The following DNM1 variants were observed in gnomAD, a reference collection of about 807,000 sequenced individuals.
DNM1 encodes dynamin 1.
Under a neutral mutation model 104.6 loss-of-function variants are expected in DNM1, and 29 were observed. The ratio of observed to expected loss-of-function variants is 0.28; its 90% CI spans 0.21 to 0.38. DNM1 has a LOEUF of 0.38. DNM1 is among the 10% of genes least tolerant of loss of function. The pLI, the probability that DNM1 is intolerant of heterozygous loss-of-function variation, is 1.00. For synonymous variants in DNM1, 445 were observed against 475.8 expected (o/e 0.94, Z 0.84); for missense variants, 640 against 1,189.4 (o/e 0.54, Z 6.79).
intron 10 of DNM1, 34 bp from the exon 11 acceptor site, chr9:128,233,987 G>A: frequency 6.5e-7 from 1 of 1,546,992 alleles, no homozygotes; most frequent in South Asian, 1.2e-5. Flanking sequence ...TGCCCTCTGT[G>A]TACGTGGCTT....
Position 128,224,314 on chromosome 9 carries a change from C to G in DNM1, c.1260C>G (p.Ile420Met). ...TTGTGAAAAAGCAGGTGAAGAAGAT[C>G]CGAGAACCGTGTCTCAAGTGTGTGG... The part of the protein sequence containing the change: ...ETIVKKQVKK[I>M]REPCLKCVDM... Residue 420 changes from isoleucine to methionine, a missense_variant, in exon 10 of 22, where the codon ATC becomes ATG. Around this residue, in one of 7 missense-constraint regions of DNM1, gnomAD observed 92 missense variants for 124.4 expected, o/e 0.74. Coordinates refer to ENST00000372923, the MANE Select transcript of DNM1 (RefSeq NM_004408.4). The surrounding 1 kb of genome is among the most constrained non-coding windows in gnomAD (Gnocchi z 4.3). 1 of 1,614,098 alleles carries G rather than the reference C, an allele frequency of 6.2e-7. No homozygotes were observed.
intron 1 of DNM1, among the ~76,000 whole-genome samples, chr9:128,209,149 G>A (rs3003572): frequency 0.93 from 140,891 of 152,198 alleles, 65,712 homozygotes; most frequent in East Asian, 0.99. Context: ...CAGCTGCCAC[G>A]TGCTAAGCAC....
chr9:128,239,713 C>T lies in DNM1; in HGVS notation c.1494-15C>T, dbSNP rs375232749. On this transcript the variant is annotated splice_polypyrimidine_tract_variant and intron_variant, in intron 12 of 21. Coordinates refer to ENST00000372923, the MANE Select transcript of DNM1 (RefSeq NM_004408.4). ...TCTTGAGAAGTTCTGAGACTCCTCCCCTCCCTCCCATTAGTGCTCAGCAGA... is the reference window on the plus strand; with the variant it reads ...TCTTGAGAAGTTCTGAGACTCCTCCTCTCCCTCCCATTAGTGCTCAGCAGA... The T allele has an allele frequency of 8.1e-6, 13 of 1,611,264 alleles. No individual in the cohort carries two copies. Among genetic ancestry groups the T allele is most frequent in the African/African-American group, 4.0e-5 (3 of 74,850 alleles).
chr9:128,254,739 C>T lies in DNM1; in HGVS notation c.*25C>T, dbSNP rs752733079. 7 of 1,591,680 alleles carry T rather than the reference C, an allele frequency of 4.4e-6. No homozygotes were observed. In the African/African-American group the frequency reaches 8.0e-5, roughly 18 times the overall value. ...AACAGATCCCTCCTCTTCTCGGAGA[C>T]CTCCCTTTCCAAGCCTGCCTGGACG... On this transcript the variant is annotated 3_prime_UTR_variant, in exon 22 of 22. Coordinates refer to ENST00000372923, the MANE Select transcript of DNM1 (RefSeq NM_004408.4). The surrounding 1 kb of genome is among the most constrained non-coding windows in gnomAD (Gnocchi z 6.1).
intron 11 of DNM1, 132 bp downstream of exon 11, chr9:128,234,239 TG>T: frequency 2.8e-6 from 2 of 710,714 alleles, no homozygotes; most frequent in South Asian, 3.8e-5. Flanking sequence ...TGTCTCATAC[TG>T]ACTCTCTGCT....
rs61020870 is a variant in DNM1, at chr9:128,220,742, C to CGCGCGCGTGTGT, written c.849+402_849+403insCGCGCGTGTGTG. On this transcript the variant is annotated intron_variant, in intron 6 of 21. Transcript: ENST00000372923. The surrounding 1 kb of genome is among the most constrained non-coding windows in gnomAD (Gnocchi z 5.2). ...CAGAACTGAAGTGCGCGCGCGCGCG[C>CGCGCGCGTGTGT]GTGTGTGTGTGTGTGTGTGTGTGTG... Among the ~76,000 whole-genome samples, 208 of 136,340 alleles carry CGCGCGCGTGTGT rather than the reference C, an allele frequency of 1.5e-3. 1 individual carries two copies. Among genetic ancestry groups the CGCGCGCGTGTGT allele is most frequent in the South Asian group, 5.9e-3 (21 of 3,542 alleles). The allele number at this position is 136,340 out of a possible 152,430, so 89.4% of individuals were successfully genotyped here.
intron 11 of DNM1, among the ~76,000 whole-genome samples, chr9:128,237,654 T>G (rs1355705887): frequency 6.6e-6 from 1 of 152,226 alleles, no homozygotes; most frequent in Middle Eastern, 3.2e-3. Flanking sequence ...GCCACTGGCT[T>G]GCTCCCAATT....
Position 128,253,959 on chromosome 9 carries a change from A to AC in DNM1, c.2535-689dup. ...CAGCTGAGCTCCGCCCAGTGAGCCC[A>AC]CCCCCCATTCTCCTGCCACTGACTC... On this transcript the variant is annotated intron_variant, in intron 21 of 21. Coordinates refer to ENST00000372923, the MANE Select transcript of DNM1 (RefSeq NM_004408.4). The surrounding 1 kb of genome is among the most constrained non-coding windows in gnomAD (Gnocchi z 5.9). The AC allele has an allele frequency of 3.2e-6, 4 of 1,232,164 alleles. No individual in the cohort carries two copies. The highest frequency in any genetic ancestry group is 4.0e-6 in the Non-Finnish European group (4 of 988,564). 76.3% of individuals were successfully genotyped at this position (1,232,164 alleles called of 1,614,324 possible).
At chr9:128,251,593 T>TG (rs1394169292) in intron 21 of DNM1, 1 of 155,724 alleles carries the variant, frequency 6.4e-6, no homozygotes, top group Admixed American at 6.6e-5. Flanking sequence ...GGAAGCAGCC[T>TG]GGGCCGTGGG....
chr9:128,243,226 A>G lies in DNM1; in HGVS notation c.1671+881A>G, dbSNP rs541812926. Among the ~76,000 whole-genome samples the G allele has an allele frequency of 6.6e-6, 1 of 152,300 alleles. No individual in the cohort carries two copies. Among genetic ancestry groups the G allele is most frequent in the Admixed American group, 6.5e-5 (1 of 15,306 alleles). On this transcript the variant is annotated intron_variant, in intron 15 of 21. Transcript: ENST00000372923. This position sits in a 1 kb window ranked among gnomAD's most constrained non-coding sequence, Gnocchi z 4.0. ...CCTTCCCCTGTTGCTGGTCTCCTTT[A>G]AGAATGAGTCTATTTGGCTTTCACA...
intron 11 of DNM1, among the ~76,000 whole-genome samples, chr9:128,235,630 A>G (rs962662318): frequency 6.6e-6 from 1 of 152,164 alleles, no homozygotes; most frequent in Non-Finnish European, 1.5e-5. Flanking sequence ...AGATGAGTGT[A>G]CAAATCCCTA....
Position 128,254,557 on chromosome 9 carries a change from CGGCGCGGCCGG to C in DNM1, c.2535-96_2535-86del. Reference sequence around the variant, plus strand: ...CTCCCCGGCCCTCCCACCACTGCTGCGGCGCGGCCGGCCCCGGCCGTGTGCTGCGCTTGCCT... The same window carrying C: ...CTCCCCGGCCCTCCCACCACTGCTGCCCCCGGCCGTGTGCTGCGCTTGCCT... On this transcript the variant is annotated intron_variant, in intron 21 of 21. Coordinates refer to ENST00000372923, the MANE Select transcript of DNM1 (RefSeq NM_004408.4). This position sits in a 1 kb window ranked among gnomAD's most constrained non-coding sequence, Gnocchi z 6.1. The C allele has an allele frequency of 6.3e-7, 1 of 1,578,862 alleles. No homozygotes were observed. The highest frequency in any genetic ancestry group is 1.8e-5 in the Admixed American group (1 of 57,086).
intron 4 of DNM1, 21 bp downstream of exon 4, chr9:128,219,273 C>T (rs1234483163): frequency 1.9e-6 from 3 of 1,606,296 alleles, no homozygotes; most frequent in Non-Finnish European, 1.7e-6. Context: ...ACCCGGTGGC[C>T]AATGCACAAA....
Position 128,220,155 on chromosome 9 carries a change from T to G in DNM1, c.689-26T>G, listed in dbSNP as rs1441291668. On this transcript the variant is annotated intron_variant, in intron 5 of 21. Coordinates refer to ENST00000372923, the MANE Select transcript of DNM1 (RefSeq NM_004408.4). The surrounding 1 kb of genome is among the most constrained non-coding windows in gnomAD (Gnocchi z 5.2). Reference sequence around the variant, plus strand: ...CCCTTCCCCTCCTCTTGAGGCTGGTTGCCCTGACCTTGATACTGTTCACAG... The same window carrying G: ...CCCTTCCCCTCCTCTTGAGGCTGGTGGCCCTGACCTTGATACTGTTCACAG... The G allele has an allele frequency of 6.2e-7, 1 of 1,613,592 alleles. No individual in the cohort carries two copies. The highest frequency in any genetic ancestry group is 1.7e-5 in the Admixed American group (1 of 60,006).
At chr9:128,205,064 G>A (rs45596435) in intron 1 of DNM1, among the ~76,000 whole-genome samples, 5,081 of 152,216 alleles carry the variant, frequency 0.033, 291 homozygotes, top group African/African-American at 0.12. Flanking sequence ...GGGGGCGGCC[G>A]TGCCCATCTG....
In DNM1 at chr9:128,254,374, T is replaced by G. The variant is rs1378221554; in HGVS notation, c.2535-280T>G. 7.1e-7 allele frequency: 1 copy of G among 1,409,478 alleles called. No homozygotes were observed. The highest frequency in any genetic ancestry group is 1.5e-5 in the African/African-American group (1 of 68,410). The allele number at this position is 1,409,478 out of a possible 1,614,324, so 87.3% of individuals were successfully genotyped here. A position where few individuals can be genotyped will look rare whatever the true frequency, so the allele number is the denominator to read the frequency against. On this transcript the variant is annotated intron_variant, in intron 21 of 21. Transcript: ENST00000372923. This position sits in a 1 kb window ranked among gnomAD's most constrained non-coding sequence, Gnocchi z 6.1. ...CAGCCTGAATTGCGGGTGCCCTGCC[T>G]GGGTGCCGTGTGAGAGGCCAGCGTG...
At chr9:128,242,134 G>C (rs763490718) in intron 14 of DNM1, 98 bp from the exon 15 acceptor site, 11 of 727,440 alleles carry the variant, frequency 1.5e-5, no homozygotes, top group Non-Finnish European at 2.7e-5. Flanking sequence ...AGAGAGCTGG[G>C]AGAGGGGTGG....
Position 128,203,620 on chromosome 9 carries a change from T to C in DNM1, c.150T>C (p.Asn50=), listed in dbSNP as rs769600214. The change falls in exon 1 of 22, where the codon AAT becomes AAC. Residue 50 remains asparagine, a synonymous_variant. Coordinates refer to ENST00000372923, the MANE Select transcript of DNM1 (RefSeq NM_004408.4). The surrounding 1 kb of genome is among the most constrained non-coding windows in gnomAD (Gnocchi z 5.3). ...QSAGKSSVLE[N]FVGRDFLPRG... ...CCGGCAAGAGCTCGGTGCTCGAGAA[T>C]TTCGTAGGCAGGTAGGCGCGGCGCG... 5 of 1,537,126 alleles carry C rather than the reference T, an allele frequency of 3.3e-6. No homozygotes were observed. The East Asian group carries it at 1.1e-4, about 33-fold the overall frequency.
At chr9:128,205,747 G>A (rs45621531) in intron 1 of DNM1, among the ~76,000 whole-genome samples, 94 of 152,288 alleles carry the variant, frequency 6.2e-4, no homozygotes, top group Admixed American at 5.2e-3. Flanking sequence ...AGCCAATTAG[G>A]CTTGGGGACC....
Sources: gnomAD v4.1 joint callset for allele counts (sites outside exome capture counted in the v4.1 genomes callset) on GRCh38, gnomAD v4.1.1 for gene constraint, gnomAD v4.1.1 regional missense constraint, Gnocchi (gnomAD v3.1) non-coding constraint, MANE v1.5 for transcripts, NCBI Gene and HGNC (gene_info 2026-07-23, HGNC 2026-07-21) for gene names.